Variants in PRIM2 observed in about 807,000 individuals in gnomAD.
The protein encoded by PRIM2 is DNA primase large subunit.
PRIM2 carries 39 observed loss-of-function variants against 67.3 expected under a neutral mutation model. The ratio of observed to expected loss-of-function variants is 0.58; its 90% confidence interval spans 0.45 to 0.76. The LOEUF (loss-of-function observed/expected upper bound fraction) is 0.76, where lower values mean the gene tolerates loss of function less well. PRIM2 is among the 30% of genes least tolerant of loss of function. PRIM2 has a pLI of 0.00. For synonymous variants in PRIM2, 143 were observed against 198.7 expected, an observed-to-expected ratio of 0.72 and a Z score of 2.36; for missense variants, 398 against 598.7, an observed-to-expected ratio of 0.66 and a Z score of 3.50.
chr6:57,266,957 G>A, the PRIM2 span, among the ~76,000 whole-genome samples: 4 of 152,192 alleles, frequency 2.6e-5, no homozygotes, highest in Non-Finnish European at 5.9e-5. Flanking sequence ...TATAGTGAAT[G>A]CTCAATGAAT....
At chr6:57,294,589 G>A in the PRIM2 span, among the ~76,000 whole-genome samples, 2 of 151,304 alleles carry the variant, frequency 1.3e-5, no homozygotes, top group African/African-American at 4.8e-5. Flanking sequence ...GTATAAGTAT[G>A]TGTATATATG....
chr6:57,486,677 T>G (rs1257426588), intron 7 of PRIM2, among the ~76,000 whole-genome samples: 1 of 152,232 alleles, frequency 6.6e-6, no homozygotes, highest in Non-Finnish European at 1.5e-5. Flanking sequence ...ATTATCTTTA[T>G]AGCTCAGCCA....
chr6:57,357,441 C>T lies in PRIM2; in HGVS notation c.460-22460C>T, dbSNP rs7744373. ...AAACTCTATGGACCAGCCATGTGAACTTCCTTTAGTTGTGAAAACATGTTT... is the reference window on the plus strand; with the variant it reads ...AAACTCTATGGACCAGCCATGTGAATTTCCTTTAGTTGTGAAAACATGTTT... On this transcript the variant is annotated intron_variant, in intron 5 of 13. Transcript: ENST00000615550. 4.9e-3 allele frequency among the ~76,000 whole-genome samples: 743 copies of T among 152,288 alleles called. 5 individuals carry two copies. The highest frequency in any genetic ancestry group is 0.017 in the African/African-American group (705 of 41,550).
intron 7 of PRIM2, among the ~76,000 whole-genome samples, chr6:57,455,911 G>C (rs1772757608): frequency 6.6e-6 from 1 of 152,148 alleles, no homozygotes; most frequent in East Asian, 1.9e-4. Flanking sequence ...GCATGTTTTT[G>C]CAGTGCTGGT....
At chr6:57,492,107 G>A (rs1773906452) in intron 7 of PRIM2, among the ~76,000 whole-genome samples, 1 of 152,132 alleles carries the variant, frequency 6.6e-6, no homozygotes, top group Non-Finnish European at 1.5e-5. Flanking sequence ...GTTGTCCGGG[G>A]ACCCTTCCCT....
chr6:57,256,024 TACACAC>T, the PRIM2 span, among the ~76,000 whole-genome samples: 44 of 111,222 alleles, frequency 4.0e-4, no homozygotes, highest in South Asian at 1.5e-3. Flanking sequence ...CACACACACA[TACACAC>T]ACACACACAC....
the PRIM2 span, among the ~76,000 whole-genome samples, chr6:57,232,176 ATTAATG>A: frequency 6.6e-6 from 1 of 152,256 alleles, no homozygotes; most frequent in Non-Finnish European, 1.5e-5. Context: ...CCGTTGTTGT[ATTAATG>A]ATGGTTATAG....
At chr6:57,332,978 G>T (rs1039747008) in intron 5 of PRIM2, among the ~76,000 whole-genome samples, 1 of 151,826 alleles carries the variant, frequency 6.6e-6, no homozygotes, top group African/African-American at 2.4e-5. Flanking sequence ...TATTAAAATG[G>T]TATTTTCTAG....
upstream of PRIM2, among the ~76,000 whole-genome samples, chr6:57,316,788 C>T (rs1344994947): frequency 6.6e-6 from 1 of 152,242 alleles, no homozygotes; most frequent in African/African-American, 2.4e-5. Flanking sequence ...TGCAGTCGGA[C>T]ATCTGGAAAG....
the PRIM2 span, among the ~76,000 whole-genome samples, chr6:57,248,945 A>G: frequency 6.6e-6 from 1 of 152,238 alleles, no homozygotes; most frequent in South Asian, 2.1e-4. Flanking sequence ...AACAGAATTT[A>G]TTGAACAACA....
At chr6:57,312,995 T>G (rs1767416362), upstream of PRIM2, among the ~76,000 whole-genome samples, 1 of 152,218 alleles carries the variant, frequency 6.6e-6, no homozygotes, top group Non-Finnish European at 1.5e-5. Context: ...CTAAGTTTCC[T>G]CATAGGTGTG....
intron 4 of PRIM2, among the ~76,000 whole-genome samples, chr6:57,325,306 T>TC (rs941009563): frequency 4.3e-4 from 8 of 18,436 alleles, no homozygotes; most frequent in South Asian, 2.6e-3. Flanking sequence ...TCTCTCTCTC[T>TC]TTTTTTTTTT....
chr6:57,372,972 A>G (rs1487410963), intron 5 of PRIM2, among the ~76,000 whole-genome samples: 1 of 152,216 alleles, frequency 6.6e-6, no homozygotes, highest in Admixed American at 6.5e-5. Flanking sequence ...CTTTGGGTAT[A>G]TACCCGGTAA....
intron 8 of PRIM2, among the ~76,000 whole-genome samples, chr6:57,524,041 G>A (rs1466309638): frequency 6.6e-6 from 1 of 151,982 alleles, no homozygotes; most frequent in Non-Finnish European, 1.5e-5. Context: ...GTATTTGGGG[G>A]AAACTCTAGT....
rs527299664 is a variant in PRIM2 at position 57,375,256 on chromosome 6, A to C, written c.460-4645A>C. The stretch of plus-strand genomic sequence containing the variant: ...GGTATGTTCCTTCAATACCCAGTTT[A>C]TTGAGAGTTTTTAACATGAAGGGAT... On this transcript the variant is annotated intron_variant, in intron 5 of 13. Transcript: ENST00000615550. Among the ~76,000 whole-genome samples the C allele has an allele frequency of 8.9e-4, 136 of 152,242 alleles. 1 individual carries two copies. The highest frequency in any genetic ancestry group is 3.1e-3 in the African/African-American group (129 of 41,532).
chr6:57,255,800 A>C, the PRIM2 span, among the ~76,000 whole-genome samples: 22 of 152,206 alleles, frequency 1.4e-4, no homozygotes, highest in Non-Finnish European at 2.5e-4. Context: ...AAATATGAAT[A>C]AGACACTACT....
chr6:57,259,223 A>G, the PRIM2 span, among the ~76,000 whole-genome samples: 1 of 152,210 alleles, frequency 6.6e-6, no homozygotes, highest in African/African-American at 2.4e-5. Context: ...CTATCAATGC[A>G]TAACAAACCG....
chr6:57,428,163 GTTTT>G (rs770667590), intron 7 of PRIM2, among the ~76,000 whole-genome samples: 1 of 151,900 alleles, frequency 6.6e-6, no homozygotes, highest in Admixed American at 6.6e-5. Flanking sequence ...CTTGGAAAGT[GTTTT>G]TTTGTTTTTT....
the PRIM2 span, among the ~76,000 whole-genome samples, chr6:57,225,911 A>G: frequency 6.6e-6 from 1 of 152,176 alleles, no homozygotes; most frequent in Non-Finnish European, 1.5e-5. Context: ...CAAACAGATC[A>G]TGCTGGAAAA....
Sources: gnomAD v4.1 joint callset for allele counts (sites outside exome capture counted in the v4.1 genomes callset) on GRCh38, gnomAD v4.1.1 for gene constraint, MANE v1.5 for transcripts, NCBI Gene and HGNC (gene_info 2026-07-23, HGNC 2026-07-21) for gene names.